The following LEKR1 variants were observed in gnomAD, a reference collection of about 807,000 sequenced individuals.
LEKR1 encodes the protein protein LEKR1.
A neutral mutation model predicts 72.4 loss-of-function variants in LEKR1; 59 were observed. The ratio of observed to expected loss-of-function variants is 0.82; its 90% CI spans 0.66 to 1.01. The LOEUF (loss-of-function observed/expected upper bound fraction) is 1.01. LEKR1 is among the 50% of genes least tolerant of loss of function. The probability of loss-of-function intolerance (pLI) is 0.00; values close to 1 mark genes in which losing one functional copy is unlikely to be tolerated. For synonymous variants in LEKR1, 257 were observed against 263.2 expected, an observed-to-expected ratio of 0.98 and a Z score of 0.23; for missense variants, 728 against 759.2, an observed-to-expected ratio of 0.96 and a Z score of 0.48.
chr3:156,996,804 C>T lies in LEKR1; in HGVS notation c.1109+3527C>T, dbSNP rs1297878209. 2.6e-5 allele frequency among the ~76,000 whole-genome samples: 4 copies of T among 152,210 alleles called. No individual in the cohort carries two copies. In the East Asian group the frequency reaches 7.7e-4, roughly 29 times the overall value. On this transcript the variant is annotated intron_variant, in intron 9 of 12. Transcript: ENST00000356539. ...TCTCATTCGGGCATGGTGGTTCATG[C>T]CTGTGATTCCAGCACTCTGGGAGGC... is the stretch of plus-strand genomic sequence containing the variant.
intron 7 of LEKR1, among the ~76,000 whole-genome samples, chr3:156,987,410 G>T (rs1437799162): frequency 6.6e-6 from 1 of 152,138 alleles, no homozygotes; most frequent in Non-Finnish European, 1.5e-5. Context: ...ACTAAAAGGA[G>T]TTCTTCTGTT....
At chr3:156,846,874 AC>A (rs138571832) in intron 2 of LEKR1, among the ~76,000 whole-genome samples, 4,845 of 152,228 alleles carry the variant, frequency 0.032, 118 homozygotes, top group Non-Finnish European at 0.047. Flanking sequence ...GTGCAGCAGC[AC>A]CATCTCAGCT....
intron 2 of LEKR1, among the ~76,000 whole-genome samples, chr3:156,847,694 C>A (rs115266944): frequency 0.032 from 4,839 of 152,168 alleles, 115 homozygotes; most frequent in Non-Finnish European, 0.048. Flanking sequence ...GCATTGAAAA[C>A]TTTTGTGCAA....
At chr3:156,938,587 G>A (rs570257127) in intron 5 of LEKR1, among the ~76,000 whole-genome samples, 14 of 152,158 alleles carry the variant, frequency 9.2e-5, no homozygotes, top group Non-Finnish European at 1.5e-4. Flanking sequence ...ATGTTGACCA[G>A]GCTGGTCTTG....
At chr3:156,981,967 G>A (rs532508694) in intron 7 of LEKR1, among the ~76,000 whole-genome samples, 5 of 152,258 alleles carry the variant, frequency 3.3e-5, no homozygotes, top group Admixed American at 2.6e-4. Context: ...TTTGTCACCT[G>A]TAAGTTAATT....
chr3:157,036,205 C>T (rs911586217), intron 12 of LEKR1, among the ~76,000 whole-genome samples: 14 of 151,774 alleles, frequency 9.2e-5, no homozygotes, highest in African/African-American at 2.4e-4. Flanking sequence ...TAATTAATAT[C>T]CTCAGAGAGA....
At chr3:156,836,617 G>A (rs919964734) in intron 2 of LEKR1, among the ~76,000 whole-genome samples, 18 of 152,118 alleles carry the variant, frequency 1.2e-4, no homozygotes, top group Admixed American at 2.6e-4. Context: ...CCCCTCAAAG[G>A]TCTCCTCCTA....
chr3:157,030,983 A>G (rs1734561639), intron 12 of LEKR1, among the ~76,000 whole-genome samples: 1 of 152,166 alleles, frequency 6.6e-6, no homozygotes, highest in African/African-American at 2.4e-5. Flanking sequence ...CGGAAGAGAC[A>G]TACCAGTGCT....
intron 9 of LEKR1, among the ~76,000 whole-genome samples, chr3:156,996,075 T>C (rs748880636): frequency 5.9e-5 from 9 of 152,064 alleles, no homozygotes; most frequent in Non-Finnish European, 1.3e-4. Flanking sequence ...GTCAATTATT[T>C]GTTGGGCATT....
chr3:157,022,349 A>G (rs1029988354), intron 10 of LEKR1, among the ~76,000 whole-genome samples: 7 of 152,352 alleles, frequency 4.6e-5, no homozygotes, highest in African/African-American at 1.2e-4. Context: ...TGCTGTGTGT[A>G]GTAGCATGGG....
At chr3:156,931,941 T>C (rs1725264401) in intron 5 of LEKR1, among the ~76,000 whole-genome samples, 1 of 152,150 alleles carries the variant, frequency 6.6e-6, no homozygotes, top group Non-Finnish European at 1.5e-5. Flanking sequence ...CACTCATCTA[T>C]TGGTGCACTT....
At chr3:156,917,729 CA>C (rs1723787896) in intron 3 of LEKR1, among the ~76,000 whole-genome samples, 2 of 152,114 alleles carry the variant, frequency 1.3e-5, no homozygotes, top group Non-Finnish European at 2.9e-5. Context: ...ATGCACAGGA[CA>C]TTTCTGGATG....
intron 2 of LEKR1, among the ~76,000 whole-genome samples, chr3:156,836,720 G>T (rs938609622): frequency 6.6e-6 from 1 of 152,176 alleles, no homozygotes; most frequent in African/African-American, 2.4e-5. Flanking sequence ...ACAATATGTA[G>T]AATAGCCCCT....
chr3:157,044,031 GA>G (rs1165346953), intron 12 of LEKR1, among the ~76,000 whole-genome samples: 1 of 152,126 alleles, frequency 6.6e-6, no homozygotes, highest in Admixed American at 6.5e-5. Flanking sequence ...ATAATCATGA[GA>G]AACTCAAAAA....
Position 157,028,224 on chromosome 3 carries a change from T to C in LEKR1, c.1490T>C (p.Ile497Thr). ...TEESNSKEKE[I>T]ENLKNLVAEF... ...GAATCTAATTCAAAGGAAAAAGAAA[T>C]TGAAAATCTTAAAAATTTGGTTGCA... Residue 497 changes from isoleucine to threonine, a missense_variant, in exon 12 of 13, where the codon ATT (isoleucine) becomes ACT (threonine). Physicochemically the swap from Ile to Thr is moderately conservative, Grantham distance 89. Coordinates refer to ENST00000356539, the MANE Select transcript of LEKR1 (RefSeq NM_001004316.3). The C allele has an allele frequency of 6.2e-7, 1 of 1,613,300 alleles. No individual in the cohort carries two copies. The highest frequency in any genetic ancestry group is 8.5e-7 in the Non-Finnish European group (1 of 1,179,518).
At chr3:156,830,494 TC>T (rs1712233563) in intron 2 of LEKR1, among the ~76,000 whole-genome samples, 2 of 152,180 alleles carry the variant, frequency 1.3e-5, no homozygotes. Flanking sequence ...GATAAATGAA[TC>T]CAGTGTAAGG....
intron 3 of LEKR1, among the ~76,000 whole-genome samples, chr3:156,899,747 C>A (rs1721797997): frequency 7.5e-6 from 1 of 133,180 alleles, no homozygotes; most frequent in African/African-American, 2.7e-5. Context: ...TATATACATG[C>A]ATATATACAC....
At chr3:156,894,820 T>C (rs1295316041) in intron 3 of LEKR1, among the ~76,000 whole-genome samples, 1 of 152,212 alleles carries the variant, frequency 6.6e-6, no homozygotes, top group Non-Finnish European at 1.5e-5. Context: ...TAAATGCTGC[T>C]GGAATAACTG....
intron 2 of LEKR1, among the ~76,000 whole-genome samples, chr3:156,847,812 A>T (rs1714818769): frequency 6.6e-6 from 1 of 152,216 alleles, no homozygotes; most frequent in Non-Finnish European, 1.5e-5. Flanking sequence ...CATCATAATG[A>T]ATATCATGTT....
Sources: gnomAD v4.1 joint callset for allele counts (sites outside exome capture counted in the v4.1 genomes callset) on GRCh38, gnomAD v4.1.1 for gene constraint, MANE v1.5 for transcripts, NCBI Gene and HGNC (gene_info 2026-07-23, HGNC 2026-07-21) for gene names.